Variants in CERS6 observed in about 807,000 individuals in gnomAD.
CERS6 encodes ceramide synthase 6.
Under a neutral mutation model 56.8 loss-of-function variants are expected in CERS6, and 26 were observed. The ratio of observed to expected loss-of-function variants is 0.46; its 90% CI spans 0.34 to 0.63. The LOEUF (loss-of-function observed/expected upper bound fraction) is 0.63, where lower values mean the gene tolerates loss of function less well. Among genes scored for constraint, CERS6 ranks in the 30% least tolerant of loss-of-function variants. CERS6 has a pLI of 0.01. For missense variants in CERS6, 415 were observed against 467.5 expected, an observed-to-expected ratio of 0.89 and a Z score of 1.04; for synonymous variants, 164 against 173.3, an observed-to-expected ratio of 0.95 and a Z score of 0.42.
intron 3 of CERS6, among the ~76,000 whole-genome samples, chr2:168,568,536 A>G (rs1036990656): frequency 2.6e-5 from 4 of 151,908 alleles, no homozygotes; most frequent in African/African-American, 9.7e-5. Flanking sequence ...AAAGCATACC[A>G]TCCAGAAATA....
At chr2:168,704,646 G>T (rs572283801) in intron 6 of CERS6, among the ~76,000 whole-genome samples, 14 of 152,028 alleles carry the variant, frequency 9.2e-5, no homozygotes, top group Admixed American at 2.0e-4. Flanking sequence ...TCGCTTTGTC[G>T]CCCAGGCTCG....
At chr2:168,760,204 C>T (rs1194903896) in intron 8 of CERS6, among the ~76,000 whole-genome samples, 1 of 152,130 alleles carries the variant, frequency 6.6e-6, no homozygotes, top group Non-Finnish European at 1.5e-5. Flanking sequence ...TATTAACTTA[C>T]ACGATCACAA....
intron 1 of CERS6, among the ~76,000 whole-genome samples, chr2:168,472,518 A>G (rs1693995725): frequency 6.6e-6 from 1 of 152,178 alleles, no homozygotes; most frequent in South Asian, 2.1e-4. Context: ...GCTCATGCTT[A>G]GATATGTGTG....
chr2:168,522,122 G>C (rs980647842), intron 1 of CERS6, among the ~76,000 whole-genome samples: 1 of 152,096 alleles, frequency 6.6e-6, no homozygotes, highest in Non-Finnish European at 1.5e-5. Flanking sequence ...AAATTTTACC[G>C]ACTATATAGG....
intron 8 of CERS6, among the ~76,000 whole-genome samples, chr2:168,723,841 T>C (rs999040411): frequency 3.9e-5 from 6 of 152,264 alleles, no homozygotes; most frequent in African/African-American, 1.4e-4. Flanking sequence ...TCCTGTTCTC[T>C]GTAACAACAT....
At chr2:168,724,261 G>C (rs916003961) in intron 8 of CERS6, among the ~76,000 whole-genome samples, 6 of 151,990 alleles carry the variant, frequency 3.9e-5, no homozygotes, top group Non-Finnish European at 8.8e-5. Flanking sequence ...CGGTGGGCTC[G>C]TGGTCTCGCT....
At position 168,774,035 on chromosome 2, in the gene CERS6, A is replaced by T. The variant is rs1684933580; in HGVS notation, c.*4373A>T. On this transcript the variant is annotated 3_prime_UTR_variant, in exon 10 of 10. Transcript: ENST00000305747. Reference sequence around the variant, plus strand: ...AATATTTTTAATAGGATCCGCAGACACCCAAAGGAGAAGCTTGGTCTTTTC... The same window carrying T: ...AATATTTTTAATAGGATCCGCAGACTCCCAAAGGAGAAGCTTGGTCTTTTC... 1 of 152,228 alleles carries T rather than the reference A, an allele frequency of 6.6e-6. No individual in the cohort carries two copies. 9.4% of individuals were successfully genotyped at this position (152,228 alleles called of 1,614,324 possible).
Position 168,631,683 on chromosome 2 carries a change from ATT to A in CERS6, c.465+643_465+644del, listed in dbSNP as rs1481274157. On this transcript the variant is annotated intron_variant, in intron 4 of 9. Coordinates refer to ENST00000305747, the MANE Select transcript of CERS6 (RefSeq NM_203463.3). ...TATAACATTTTATATTTATATTTAT[ATT>A]TATATATATTTAATTTATATTTATA... Among the ~76,000 whole-genome samples, 683 of 74,508 alleles carry A rather than the reference ATT, an allele frequency of 9.2e-3. 12 individuals carry two copies. Among genetic ancestry groups the A allele is most frequent in the African/African-American group, 0.031 (648 of 21,240 alleles). 48.9% of individuals were successfully genotyped at this position (74,508 alleles called of 152,430 possible). A position where few individuals can be genotyped will look rare whatever the true frequency, so the allele number is the denominator to read the frequency against.
At chr2:168,760,528 G>A (rs1046303749) in intron 8 of CERS6, among the ~76,000 whole-genome samples, 1 of 152,048 alleles carries the variant, frequency 6.6e-6, no homozygotes, top group African/African-American at 2.4e-5. Flanking sequence ...ATCCAATCAA[G>A]TTGACACTCA....
At chr2:168,561,371 C>G in intron 3 of CERS6, 49 bp downstream of exon 3, 1 of 1,608,946 alleles carries the variant, frequency 6.2e-7, no homozygotes, top group Middle Eastern at 1.7e-4. Flanking sequence ...GTACTCATGC[C>G]AACCCTGAGG....
chr2:168,572,724 TC>T (rs1358955681), intron 3 of CERS6, among the ~76,000 whole-genome samples: 1 of 152,080 alleles, frequency 6.6e-6, no homozygotes, highest in African/African-American at 2.4e-5. Flanking sequence ...ATATTGCACT[TC>T]TAGTTGTTCT....
At chr2:168,613,898 T>A (rs1684246036) in intron 3 of CERS6, among the ~76,000 whole-genome samples, 1 of 152,234 alleles carries the variant, frequency 6.6e-6, no homozygotes, top group East Asian at 1.9e-4. Context: ...AGTATGAATA[T>A]AGCTGATGTG....
chr2:168,733,927 G>T (rs1683632212), intron 8 of CERS6, among the ~76,000 whole-genome samples: 1 of 152,186 alleles, frequency 6.6e-6, no homozygotes, highest in Non-Finnish European at 1.5e-5. Context: ...GCTTCAAAAT[G>T]GAGGGGTCAG....
intron 4 of CERS6, among the ~76,000 whole-genome samples, chr2:168,679,281 T>C (rs1275857519): frequency 6.6e-6 from 1 of 152,188 alleles, no homozygotes; most frequent in Non-Finnish European, 1.5e-5. Context: ...TGCTTAACGG[T>C]AGGATATTGT....
At chr2:168,473,797 C>T (rs1369282614) in intron 1 of CERS6, among the ~76,000 whole-genome samples, 1 of 152,178 alleles carries the variant, frequency 6.6e-6, no homozygotes, top group Non-Finnish European at 1.5e-5. Flanking sequence ...TCACTTTCTT[C>T]CCTGATGTGT....
intron 1 of CERS6, among the ~76,000 whole-genome samples, chr2:168,480,766 T>C (rs535592858): frequency 6.6e-6 from 1 of 152,296 alleles, no homozygotes; most frequent in African/African-American, 2.4e-5. Context: ...TTTGAGCCAC[T>C]AAATTTAGGG....
intron 1 of CERS6, among the ~76,000 whole-genome samples, chr2:168,527,861 C>T (rs999219971): frequency 1.3e-5 from 2 of 152,134 alleles, no homozygotes; most frequent in African/African-American, 4.8e-5. Context: ...GCTGGGACTA[C>T]AGGTGTGCAC....
chr2:168,722,217 A>T (rs1683200957), intron 8 of CERS6, among the ~76,000 whole-genome samples: 1 of 152,192 alleles, frequency 6.6e-6, no homozygotes, highest in African/African-American at 2.4e-5. Flanking sequence ...TAATTTGCAA[A>T]TGTTTTCTCC....
intron 4 of CERS6, among the ~76,000 whole-genome samples, chr2:168,680,635 G>A (rs957963916): frequency 6.6e-6 from 1 of 150,412 alleles, no homozygotes; most frequent in African/African-American, 2.4e-5. Flanking sequence ...ATTAAGAGGT[G>A]GGACCTGCAA....
Sources: gnomAD v4.1 joint callset for allele counts (sites outside exome capture counted in the v4.1 genomes callset) on GRCh38, gnomAD v4.1.1 for gene constraint, MANE v1.5 for transcripts, NCBI Gene and HGNC (gene_info 2026-07-23, HGNC 2026-07-21) for gene names.